The following KIF6 variants were observed in gnomAD, a reference collection of about 807,000 sequenced individuals.
The protein encoded by KIF6 is kinesin-like protein KIF6.
Under a neutral mutation model 112.7 loss-of-function variants are expected in KIF6, and 106 were observed. The ratio of observed to expected loss-of-function variants is 0.94; its 90% CI spans 0.80 to 1.11. The LOEUF is 1.11. Ranked by LOEUF, KIF6 falls within the 50% of genes least tolerant of loss-of-function variation. KIF6 has a pLI of 0.00. For synonymous variants in KIF6, 339 were observed against 339.9 expected, an observed-to-expected ratio of 1.00 and a Z score of 0.03; for missense variants, 929 against 964.0, an observed-to-expected ratio of 0.96 and a Z score of 0.48.
rs557435555 is a variant in KIF6, at chr6:39,416,898, C to T, written c.1810+3050G>A. Among the ~76,000 whole-genome samples, 11 of 152,244 alleles carry T rather than the reference C, an allele frequency of 7.2e-5. No homozygotes were observed. The East Asian group carries it at 1.5e-3, about 21-fold the overall frequency. On this transcript the variant is annotated intron_variant, in intron 15 of 22. Coordinates refer to ENST00000287152, the MANE Select transcript of KIF6 (RefSeq NM_145027.6). ...GCAGGCCAATTACGTGTGTACCCCT[C>T]GGCATCTCAATCTTGCCTCAGGGTC...
intron 13 of KIF6, among the ~76,000 whole-genome samples, chr6:39,535,829 C>A (rs1197616556): frequency 5.3e-5 from 8 of 151,910 alleles, no homozygotes; most frequent in Non-Finnish European, 7.4e-5. Context: ...CTCTCCTCAG[C>A]AAATGTAAAA....
intron 5 of KIF6, chr6:39,617,831 C>T: frequency 1.8e-5 from 8 of 438,390 alleles, no homozygotes; most frequent in South Asian, 1.3e-4. Context: ...GCACCAGGCT[C>T]TTCTAAATAA....
At chr6:39,714,623 C>A in intron 3 of KIF6, 69 bp downstream of exon 3, 1 of 1,021,838 alleles carries the variant, frequency 9.8e-7, no homozygotes, top group Non-Finnish European at 1.5e-6. Context: ...CACACTACCA[C>A]AGTTATCTGA....
At chr6:39,663,729 T>A (rs537603302) in intron 3 of KIF6, among the ~76,000 whole-genome samples, 1 of 151,954 alleles carries the variant, frequency 6.6e-6, no homozygotes, top group African/African-American at 2.4e-5. Flanking sequence ...TTAAAAAAAA[T>A]AGATAAATCT....
At chr6:39,423,353 G>C (rs997564944) in intron 14 of KIF6, among the ~76,000 whole-genome samples, 1 of 152,128 alleles carries the variant, frequency 6.6e-6, no homozygotes, top group Admixed American at 6.5e-5. Flanking sequence ...CGGCTCTTCT[G>C]TCTTTTTCCC....
At chr6:39,545,960 T>C (rs1779048417) in intron 10 of KIF6, among the ~76,000 whole-genome samples, 1 of 152,216 alleles carries the variant, frequency 6.6e-6, no homozygotes, top group Non-Finnish European at 1.5e-5. Context: ...TTCTAGCCAC[T>C]CTGAATTTCT....
intron 13 of KIF6, among the ~76,000 whole-genome samples, chr6:39,525,352 GC>G (rs1284903531): frequency 1.3e-5 from 2 of 152,136 alleles, no homozygotes; most frequent in Non-Finnish European, 2.9e-5. Flanking sequence ...CTGTACTTGG[GC>G]CCCAGAAGTG....
intron 13 of KIF6, among the ~76,000 whole-genome samples, chr6:39,537,029 A>C (rs1582080343): frequency 6.6e-6 from 1 of 152,258 alleles, no homozygotes; most frequent in African/African-American, 2.4e-5. Flanking sequence ...TTCATGCTAA[A>C]AACTCTCAAT....
At chr6:39,606,371 T>C (rs558842938) in intron 6 of KIF6, among the ~76,000 whole-genome samples, 164 of 152,260 alleles carry the variant, frequency 1.1e-3, no homozygotes, top group Admixed American at 2.5e-3. Context: ...AGCCCTGTGC[T>C]CTCTGATTTA....
chr6:39,590,263 T>C (rs1323756729), intron 7 of KIF6, among the ~76,000 whole-genome samples: 1 of 152,064 alleles, frequency 6.6e-6, no homozygotes, highest in African/African-American at 2.4e-5. Flanking sequence ...TTTCTCTAAG[T>C]ACTTTGAAGT....
At chr6:39,427,473 G>A (rs1031804511) in intron 14 of KIF6, among the ~76,000 whole-genome samples, 1 of 152,092 alleles carries the variant, frequency 6.6e-6, no homozygotes, top group Admixed American at 6.5e-5. Flanking sequence ...CTCCATCAAT[G>A]CAAATAAGAG....
chr6:39,455,779 G>A (rs1042070161), intron 13 of KIF6, among the ~76,000 whole-genome samples: 36 of 152,006 alleles, frequency 2.4e-4, no homozygotes, highest in African/African-American at 7.7e-4. Flanking sequence ...AACAATGGAA[G>A]ATGAAATGAA....
intron 15 of KIF6, among the ~76,000 whole-genome samples, chr6:39,390,610 T>A (rs1183229499): frequency 6.6e-6 from 1 of 152,190 alleles, no homozygotes; most frequent in Non-Finnish European, 1.5e-5. Context: ...TCTGGGGTCC[T>A]GGGTAATTAC....
At chr6:39,571,343 C>T (rs551185096) in intron 10 of KIF6, among the ~76,000 whole-genome samples, 24 of 152,254 alleles carry the variant, frequency 1.6e-4, no homozygotes, top group African/African-American at 5.5e-4. Context: ...CTCACTCCAG[C>T]CAATTCTGTC....
chr6:39,536,865 C>A (rs1778461710), intron 13 of KIF6, among the ~76,000 whole-genome samples: 1 of 152,206 alleles, frequency 6.6e-6, no homozygotes, highest in African/African-American at 2.4e-5. Context: ...AGCTTATCCA[C>A]CATGATCGAG....
chr6:39,569,070 A>G (rs373747233), intron 10 of KIF6, among the ~76,000 whole-genome samples: 21 of 152,288 alleles, frequency 1.4e-4, no homozygotes, highest in African/African-American at 4.8e-4. Context: ...ATTCTTGCAG[A>G]GTGCAATCCG....
chr6:39,359,298 G>A (rs762284670), intron 18 of KIF6, among the ~76,000 whole-genome samples: 1 of 152,180 alleles, frequency 6.6e-6, no homozygotes, highest in Non-Finnish European at 1.5e-5. Context: ...CTGAAACTGG[G>A]ATTTTGTGCT....
At chr6:39,618,862 T>G (rs952411230) in intron 5 of KIF6, among the ~76,000 whole-genome samples, 11 of 152,198 alleles carry the variant, frequency 7.2e-5, no homozygotes, top group Non-Finnish European at 1.6e-4. Context: ...GTCCCTCCTT[T>G]GAGACGGTCT....
chr6:39,637,326 A>G (rs769929664), intron 4 of KIF6, among the ~76,000 whole-genome samples: 1 of 152,018 alleles, frequency 6.6e-6, no homozygotes, highest in African/African-American at 2.4e-5. Flanking sequence ...TCACTGAGCT[A>G]TGTGGCAAGC....
Sources: allele counts gnomAD v4.1 joint callset (sites outside exome capture counted in the v4.1 genomes callset), GRCh38; gene constraint gnomAD v4.1.1; transcripts MANE v1.5; gene names NCBI Gene and HGNC (gene_info 2026-07-23, HGNC 2026-07-21).